OPHN1: variants seen among roughly 807,000 people sequenced by gnomAD.
The protein encoded by OPHN1 is oligophrenin 1.
In OPHN1, 11 loss-of-function variants were observed where a neutral mutation model predicts 60.7. That is an observed-to-expected ratio of 0.18 (90% CI 0.11 to 0.30). The LOEUF is 0.30. Ranked by LOEUF, OPHN1 falls within the 10% of genes least tolerant of loss-of-function variation. The pLI, the probability that OPHN1 is intolerant of heterozygous loss-of-function variation, is 1.00. For missense variants in OPHN1, 449 were observed against 611.0 expected, an observed-to-expected ratio of 0.73 and a Z score of 2.80; for synonymous variants, 226 against 222.6, an observed-to-expected ratio of 1.02 and a Z score of -0.14.
rs762625245 is a variant in OPHN1 at position 68,234,464 on chromosome X, AG to A, written c.486+22del. The A allele has an allele frequency of 2.8e-5, 31 of 1,101,921 alleles. No individual in the cohort carries two copies. The South Asian group carries it at 5.3e-4, about 19-fold the overall frequency. 90.8% of individuals were successfully genotyped at this position (1,101,921 alleles called of 1,213,427 possible). A position where few individuals can be genotyped will look rare whatever the true frequency, so the allele number is the denominator to read the frequency against. On this transcript the variant is annotated intron_variant, in intron 6 of 24. Transcript: ENST00000355520. ...TAAGGCATAGCTAGCAATGGAAGGC[AG>A]GGGCAGGCTTTGTGAACATACCTCT...
chrX:68,358,430 T>C (rs1416259185), intron 2 of OPHN1, among the ~76,000 whole-genome samples: 2 of 111,935 alleles, frequency 1.8e-5, no homozygotes, highest in African/African-American at 6.5e-5. Flanking sequence ...GTGCTCGTTT[T>C]CCTAGATATC....
At chrX:68,380,953 C>A (rs1180477556) in intron 2 of OPHN1, among the ~76,000 whole-genome samples, 1 of 111,251 alleles carries the variant, frequency 9.0e-6, no homozygotes, top group Non-Finnish European at 1.9e-5. Flanking sequence ...GTGAAGTGAC[C>A]TAAGGTTCCT....
chrX:68,161,059 A>G (rs761627980), intron 15 of OPHN1, among the ~76,000 whole-genome samples: 1 of 111,065 alleles, frequency 9.0e-6, no homozygotes, highest in Non-Finnish European at 1.9e-5. Context: ...TCAGGAACGA[A>G]AAAGAGAACA....
intron 15 of OPHN1, among the ~76,000 whole-genome samples, chrX:68,121,293 A>G (rs2077149455): frequency 8.9e-6 from 1 of 112,385 alleles, no homozygotes; most frequent in Non-Finnish European, 1.9e-5. Flanking sequence ...CAACTAAATA[A>G]CAAGAAAACA....
Position 68,199,879 on chromosome X carries a change from G to A in OPHN1, c.1025+1740C>T, listed in dbSNP as rs775628984. Among the ~76,000 whole-genome samples, 5 of 112,245 alleles carry A rather than the reference G, an allele frequency of 4.5e-5. No individual in the cohort carries two copies. The East Asian group carries it at 1.4e-3, about 32-fold the overall frequency. The stretch of plus-strand genomic sequence containing the variant: ...AGTTCAAGTCAAGCCTGGCCAACAT[G>A]GTGAAACCCCATTTCTATTAAAAAT... On this transcript the variant is annotated intron_variant, in intron 11 of 24. Coordinates refer to ENST00000355520, the MANE Select transcript of OPHN1 (RefSeq NM_002547.3).
intron 2 of OPHN1, among the ~76,000 whole-genome samples, chrX:68,341,543 A>G (rs935503194): frequency 1.2e-4 from 14 of 112,085 alleles, no homozygotes; most frequent in Admixed American, 1.2e-3. Flanking sequence ...CAGATTTAAG[A>G]AACATATTGG....
chrX:68,047,961 A>T (rs1474659164), intron 24 of OPHN1, among the ~76,000 whole-genome samples: 1 of 112,034 alleles, frequency 8.9e-6, no homozygotes, highest in Non-Finnish European at 1.9e-5. Flanking sequence ...GAATCCATCT[A>T]CAGACACTAA....
At chrX:68,097,188 CA>C (rs2077041288) in intron 18 of OPHN1, among the ~76,000 whole-genome samples, 159 bp from the exon 19 acceptor site, 1 of 111,717 alleles carries the variant, frequency 9.0e-6, no homozygotes, top group Non-Finnish European at 1.9e-5. Flanking sequence ...AGGAAACAAT[CA>C]GCAAAGAATA....
intron 6 of OPHN1, among the ~76,000 whole-genome samples, chrX:68,220,925 T>G (rs1171549407): frequency 1.2e-4 from 9 of 75,099 alleles, no homozygotes; most frequent in African/African-American, 3.3e-4. Context: ...TTGGAAGTTC[T>G]GGCCAGGGCA....
At chrX:68,213,110 T>G (rs1018045742) in intron 7 of OPHN1, among the ~76,000 whole-genome samples, 4 of 112,501 alleles carry the variant, frequency 3.6e-5, no homozygotes, top group African/African-American at 1.3e-4. Flanking sequence ...AGCTCATGCC[T>G]GTAATCCTGG....
At chrX:68,381,282 A>T (rs2078595118) in intron 2 of OPHN1, among the ~76,000 whole-genome samples, 1 of 111,417 alleles carries the variant, frequency 9.0e-6, no homozygotes, top group Non-Finnish European at 1.9e-5. Flanking sequence ...TTTTCACATT[A>T]TCTGATCATA....
intron 15 of OPHN1, among the ~76,000 whole-genome samples, chrX:68,176,180 C>T (rs990310578): frequency 3.6e-5 from 4 of 111,331 alleles, no homozygotes; most frequent in South Asian, 3.7e-4. Flanking sequence ...GAATATGCCA[C>T]GAAATGCACA....
At chrX:68,293,774 G>T (rs1428488738) in intron 3 of OPHN1, among the ~76,000 whole-genome samples, 2 of 111,491 alleles carry the variant, frequency 1.8e-5, no homozygotes, top group Non-Finnish European at 3.8e-5. Flanking sequence ...ACTTTAAGGA[G>T]GTATATTCAC....
intron 15 of OPHN1, among the ~76,000 whole-genome samples, chrX:68,156,253 A>G (rs1228949637): frequency 1.8e-5 from 2 of 108,504 alleles, no homozygotes; most frequent in African/African-American, 6.8e-5. Context: ...CTTGTTTAAA[A>G]TGCAGATTAT....
intron 15 of OPHN1, among the ~76,000 whole-genome samples, chrX:68,128,053 CTT>C (rs761895543): frequency 9.7e-6 from 1 of 103,345 alleles, no homozygotes. Flanking sequence ...ATTACTGATA[CTT>C]TTTTTTTTTT....
chrX:68,147,784 G>A (rs746377857), intron 15 of OPHN1, among the ~76,000 whole-genome samples: 3 of 111,832 alleles, frequency 2.7e-5, no homozygotes, highest in African/African-American at 6.5e-5. Flanking sequence ...GAATCAATGC[G>A]TGGATAGTCA....
At chrX:68,306,796 C>T (rs1279431621) in intron 2 of OPHN1, among the ~76,000 whole-genome samples, 1 of 111,608 alleles carries the variant, frequency 9.0e-6, no homozygotes, top group African/African-American at 3.3e-5. Flanking sequence ...GATTGCAGCT[C>T]ACTGCAGCCT....
At chrX:68,169,414 G>A (rs996742367) in intron 15 of OPHN1, among the ~76,000 whole-genome samples, 3 of 110,346 alleles carry the variant, frequency 2.7e-5, no homozygotes, top group Non-Finnish European at 3.8e-5. Flanking sequence ...TTTCTTCACA[G>A]AATTGGAAAA....
intron 2 of OPHN1, among the ~76,000 whole-genome samples, chrX:68,401,060 C>A (rs190667526): frequency 8.9e-6 from 1 of 111,737 alleles, no homozygotes; most frequent in Non-Finnish European, 1.9e-5. Context: ...TGGTGTTAAA[C>A]CACAAGAAAC....
Sources: gnomAD v4.1 joint callset for allele counts (sites outside exome capture counted in the v4.1 genomes callset) on GRCh38, gnomAD v4.1.1 for gene constraint, MANE v1.5 for transcripts, NCBI Gene and HGNC (gene_info 2026-07-23, HGNC 2026-07-21) for gene names.